Variants in MRPL3 observed in about 807,000 individuals in gnomAD.
MRPL3 encodes the protein large ribosomal subunit protein uL3m.
Under a neutral mutation model 44.3 loss-of-function variants are expected in MRPL3, and 43 were observed. That is an observed-to-expected ratio of 0.97 (90% CI 0.76 to 1.25). The LOEUF (loss-of-function observed/expected upper bound fraction) is 1.25. Among genes scored for constraint, MRPL3 ranks in the 50% most tolerant of loss-of-function variants. The probability of loss-of-function intolerance (pLI) is 0.00; values close to 1 mark genes in which losing one functional copy is unlikely to be tolerated. For synonymous variants in MRPL3, 171 were observed against 152.3 expected (o/e 1.12, Z -0.91); for missense variants, 406 against 427.6 (o/e 0.95, Z 0.45).
intron 4 of MRPL3, among the ~76,000 whole-genome samples, chr3:131,493,459 T>G (rs1042569049): frequency 1.3e-5 from 2 of 152,256 alleles, no homozygotes; most frequent in Non-Finnish European, 2.9e-5. Flanking sequence ...TTGGTCAGCA[T>G]GCTGACCTGT....
At chr3:131,477,546 G>C (rs546586942) in intron 6 of MRPL3, among the ~76,000 whole-genome samples, 1 of 152,284 alleles carries the variant, frequency 6.6e-6, no homozygotes, top group African/African-American at 2.4e-5. Flanking sequence ...GGAGCAGAGA[G>C]ATTAACTCAA....
Position 131,502,901 on chromosome 3 carries a change from A to G in MRPL3, c.-80T>C. On this transcript the variant is annotated 5_prime_UTR_variant, in exon 1 of 10. Transcript: ENST00000264995. ...TTCAGGGAGTCCCCACGCCACCGCC[A>G]CGTGGACGCAGTAGCCGTGGGGAAG... The G allele has an allele frequency of 7.6e-7, 1 of 1,311,970 alleles. No individual in the cohort carries two copies. The highest frequency in any genetic ancestry group is 1.1e-6 in the Non-Finnish European group (1 of 923,990). The allele number at this position is 1,311,970 out of a possible 1,614,324, so 81.3% of individuals were successfully genotyped here.
chr3:131,495,942 G>A (rs763917697), intron 4 of MRPL3, among the ~76,000 whole-genome samples: 1 of 152,128 alleles, frequency 6.6e-6, no homozygotes, highest in Non-Finnish European at 1.5e-5. Flanking sequence ...GAGTATAGGG[G>A]ACCTAAAGGT....
chr3:131,501,628 G>C lies in MRPL3; in HGVS notation c.180C>G (p.Phe60Leu). The part of the protein sequence containing the change: ...DEHLSEENVP[F>L]IKQLVSDEDK... ...CTTCATCAGAGACCAACTGCTTAAT[G>C]AATGGGACATTTTCTTCAGAAAGAT... The change falls in exon 2 of 10, where the codon TTC becomes TTG. Residue 60 changes from phenylalanine to leucine, a missense_variant. Coordinates refer to ENST00000264995, the MANE Select transcript of MRPL3 (RefSeq NM_007208.4). 3.7e-6 allele frequency: 6 copies of C among 1,613,058 alleles called. No individual in the cohort carries two copies. Among genetic ancestry groups the C allele is most frequent in the Non-Finnish European group, 5.1e-6 (6 of 1,179,914 alleles).
rs189183973 is a variant in MRPL3, at chr3:131,500,634, A to G, written c.278-113T>C. ...CGTATGAGGAGCAGGCACGTAAGAA[A>G]TATGCTAATATATTCACAGAGTAAA... On this transcript the variant is annotated intron_variant, in intron 2 of 9. Transcript: ENST00000264995. 24 of 744,956 alleles carry G rather than the reference A, an allele frequency of 3.2e-5. No individual in the cohort carries two copies. In the African/African-American group the frequency reaches 3.5e-4, roughly 11 times the overall value. The allele number at this position is 744,956 out of a possible 1,614,324, so 46.1% of individuals were successfully genotyped here.
chr3:131,471,185 C>T lies in MRPL3; in HGVS notation c.724G>A (p.Ala242Thr), dbSNP rs983108162. ...GTTATACTCACACCAGTTGCAACAG[C>T]TCCAGGTCTCCTGTGGGTTTTCGTT... ...GQTKTHRRPG[A>T]VATGDIGRVW... The change falls in exon 7 of 10, where the codon GCT becomes ACT. Residue 242 changes from alanine (A) to threonine (T), a missense_variant. Physicochemically the swap from Ala to Thr is moderately conservative, Grantham distance 58. Transcript: ENST00000264995. 1.2e-6 allele frequency: 2 copies of T among 1,612,192 alleles called. No homozygotes were observed. The highest frequency in any genetic ancestry group is 1.7e-5 in the Admixed American group (1 of 59,852).
intron 6 of MRPL3, among the ~76,000 whole-genome samples, chr3:131,481,816 G>T (rs939651408): frequency 1.3e-5 from 2 of 152,096 alleles, no homozygotes; most frequent in Non-Finnish European, 2.9e-5. Flanking sequence ...CGTTAAAAAC[G>T]TACTGCTTTG....
chr3:131,493,217 GAGGGAACAGCAGGT>G (rs1483206297), intron 4 of MRPL3, among the ~76,000 whole-genome samples: 15 of 152,194 alleles, frequency 9.9e-5, no homozygotes, highest in African/African-American at 3.4e-4. Context: ...AGTTGAGGAA[GAGGGAACAGCAGGT>G]AGATGTATCT....
At chr3:131,499,328 G>A (rs28476605) in intron 3 of MRPL3, among the ~76,000 whole-genome samples, 47,535 of 152,078 alleles carry the variant, frequency 0.31, 9,262 homozygotes, top group Non-Finnish European at 0.44. Flanking sequence ...GTTTGTTGGC[G>A]TTAAGTGTGA....
chr3:131,493,147 T>C (rs1318549638), intron 4 of MRPL3, among the ~76,000 whole-genome samples: 1 of 152,208 alleles, frequency 6.6e-6, no homozygotes, highest in Non-Finnish European at 1.5e-5. Context: ...TTCCTGAATC[T>C]GTCTGCACCA....
Position 131,473,722 on chromosome 3 carries a change from C to A in MRPL3, c.630-2443G>T, listed in dbSNP as rs555885667. Among the ~76,000 whole-genome samples the A allele has an allele frequency of 2.0e-4, 30 of 151,572 alleles. No individual in the cohort carries two copies. In the South Asian group the frequency reaches 5.8e-3, roughly 29 times the overall value. ...AGGAACTCAAACAACTAAAAAAAAA[C>A]CCCAAGTAATCCAATTAAAAAATGA... On this transcript the variant is annotated intron_variant, in intron 6 of 9. Transcript: ENST00000264995.
chr3:131,501,497 G>T, intron 2 of MRPL3, 34 bp downstream of exon 2: 1 of 1,543,314 alleles, frequency 6.5e-7, no homozygotes, highest in Non-Finnish European at 8.9e-7. Flanking sequence ...ACAGTAATTA[G>T]GAAATGAGAG....
intron 4 of MRPL3, among the ~76,000 whole-genome samples, chr3:131,493,289 A>G (rs750601042): frequency 2.6e-5 from 4 of 152,216 alleles, no homozygotes; most frequent in Admixed American, 6.5e-5. Context: ...ACTGGGAAAT[A>G]TAAGTACATG....
chr3:131,490,531 A>G (rs1934234445), intron 4 of MRPL3, among the ~76,000 whole-genome samples: 1 of 152,226 alleles, frequency 6.6e-6, no homozygotes, highest in Non-Finnish European at 1.5e-5. Context: ...TGGCCTGCTT[A>G]TATCTAGAGA....
chr3:131,470,838 T>C (rs1933726448), intron 7 of MRPL3, among the ~76,000 whole-genome samples: 1 of 152,194 alleles, frequency 6.6e-6, no homozygotes, highest in Non-Finnish European at 1.5e-5. Flanking sequence ...TACTCAATCC[T>C]ACAATTCACA....
At chr3:131,488,898 G>T (rs1056241462) in intron 5 of MRPL3, 16 of 151,810 alleles carry the variant, frequency 1.1e-4, no homozygotes, top group African/African-American at 3.1e-4. Flanking sequence ...ATTTTGATTT[G>T]TCAATCAAAA....
At position 131,462,900 on chromosome 3, in the gene MRPL3, G is replaced by A. The variant is rs757460529; in HGVS notation, c.895-25C>T. On this transcript the variant is annotated intron_variant, in intron 9 of 9. Transcript: ENST00000264995. ...CCTGAGAGAAGGCAAAAATCTTAGT[G>A]AAACCAATTAAGTTCTTTAAAGGTA... The A allele has an allele frequency of 3.8e-6, 6 of 1,591,060 alleles. No individual in the cohort carries two copies. In the Admixed American group the frequency reaches 5.2e-5, roughly 14 times the overall value.
intron 8 of MRPL3, among the ~76,000 whole-genome samples, chr3:131,469,430 C>T (rs1056490687): frequency 6.6e-6 from 1 of 151,770 alleles, no homozygotes; most frequent in African/African-American, 2.4e-5. Flanking sequence ...AAAAATCTTC[C>T]AGGTCCAAGA....
chr3:131,495,227 G>A (rs1262734476), intron 4 of MRPL3, among the ~76,000 whole-genome samples: 1 of 151,726 alleles, frequency 6.6e-6, no homozygotes, highest in African/African-American at 2.4e-5. Context: ...ATAATCAATC[G>A]ATTTGCATTT....
Sources: allele counts gnomAD v4.1 joint callset (sites outside exome capture counted in the v4.1 genomes callset), GRCh38; gene constraint gnomAD v4.1.1; transcripts MANE v1.5; gene names NCBI Gene and HGNC (gene_info 2026-07-23, HGNC 2026-07-21).